ROBO2: variants seen among roughly 807,000 people sequenced by gnomAD.
The protein encoded by ROBO2 is roundabout homolog 2.
A neutral mutation model predicts 160.8 loss-of-function variants in ROBO2; 53 were observed. The observed-to-expected ratio is 0.33, with a 90% CI of 0.26 to 0.41. The LOEUF (loss-of-function observed/expected upper bound fraction) is 0.41. Among genes scored for constraint, ROBO2 ranks in the 10% least tolerant of loss-of-function variants. The pLI is 1.00. For missense variants in ROBO2, 1,577 were observed against 1,722.4 expected, an observed-to-expected ratio of 0.92 and a Z score of 1.49; for synonymous variants, 664 against 611.7, an observed-to-expected ratio of 1.09 and a Z score of -1.26.
intron 2 of ROBO2, among the ~76,000 whole-genome samples, chr3:76,455,751 G>C (rs1181407710): frequency 2.0e-5 from 3 of 152,132 alleles, no homozygotes; most frequent in African/African-American, 7.2e-5. Flanking sequence ...AAAACACATA[G>C]CAAGCATATA....
chr3:77,211,692 GT>G (rs1036208927), intron 2 of ROBO2, among the ~76,000 whole-genome samples: 165 of 152,238 alleles, frequency 1.1e-3, no homozygotes, highest in African/African-American at 3.5e-3. Flanking sequence ...TTCTTCTAGG[GT>G]TTTTATGGTT....
intron 2 of ROBO2, among the ~76,000 whole-genome samples, chr3:76,222,869 C>G (rs930481058): frequency 6.6e-6 from 1 of 151,964 alleles, no homozygotes; most frequent in Admixed American, 6.6e-5. Flanking sequence ...ATTCTCCTGT[C>G]TCAGCCTTCC....
intron 2 of ROBO2, among the ~76,000 whole-genome samples, chr3:76,932,011 AT>A (rs1385463146): frequency 2.6e-5 from 4 of 152,190 alleles, no homozygotes; most frequent in African/African-American, 4.8e-5. Context: ...ATGTGCCCAA[AT>A]CACCATGGAG....
intron 2 of ROBO2, among the ~76,000 whole-genome samples, chr3:75,988,452 GA>G (rs1375885402): frequency 1.3e-5 from 2 of 151,814 alleles, no homozygotes; most frequent in Non-Finnish European, 2.9e-5. Context: ...TTTTCACATT[GA>G]TTTTTTTTGA....
intron 2 of ROBO2, among the ~76,000 whole-genome samples, chr3:77,290,730 G>A (rs1195288664): frequency 3.7e-5 from 3 of 80,796 alleles, no homozygotes; most frequent in South Asian, 6.0e-4. Context: ...ATGGTTAAAC[G>A]GGAAGTTGAG....
At chr3:76,970,320 C>T (rs1177947386) in intron 2 of ROBO2, among the ~76,000 whole-genome samples, 1 of 152,062 alleles carries the variant, frequency 6.6e-6, no homozygotes, top group Non-Finnish European at 1.5e-5. Flanking sequence ...ATGACCACAG[C>T]TTATTCTTCA....
intron 19 of ROBO2, among the ~76,000 whole-genome samples, chr3:77,600,146 C>A (rs895385060): frequency 2.6e-5 from 4 of 152,132 alleles, no homozygotes; most frequent in East Asian, 1.9e-4. Context: ...GGAAAAAAGA[C>A]CTGCTAAATA....
intron 2 of ROBO2, among the ~76,000 whole-genome samples, chr3:76,856,648 C>T (rs2070116105): frequency 6.6e-6 from 1 of 152,176 alleles, no homozygotes; most frequent in Non-Finnish European, 1.5e-5. Context: ...ATTCCATGTA[C>T]CTGGGTTGGG....
intron 2 of ROBO2, among the ~76,000 whole-genome samples, chr3:76,518,299 T>A (rs964477816): frequency 6.6e-6 from 1 of 152,136 alleles, no homozygotes; most frequent in African/African-American, 2.4e-5. Flanking sequence ...TTTTAGAATT[T>A]TTTTTCTTAA....
At chr3:77,378,992 G>C (rs1228034317) in intron 2 of ROBO2, among the ~76,000 whole-genome samples, 1 of 151,312 alleles carries the variant, frequency 6.6e-6, no homozygotes, top group Non-Finnish European at 1.5e-5. Context: ...TTGTTGCCCA[G>C]GCTGGAGTGC....
chr3:77,317,103 G>A (rs1237399589), intron 2 of ROBO2: 5 of 1,319,386 alleles, frequency 3.8e-6, no homozygotes, highest in Non-Finnish European at 5.5e-6. Context: ...CTGCAAAGTT[G>A]CTCTGGGTCA....
At chr3:77,638,818 CTTTTTTT>C (rs34034420) in intron 24 of ROBO2, among the ~76,000 whole-genome samples, 6 of 51,270 alleles carry the variant, frequency 1.2e-4, no homozygotes, top group East Asian at 6.4e-4. Flanking sequence ...TTTCACCTAG[CTTTTTTT>C]TTTTTTTTTT....
At position 76,308,452 on chromosome 3, in the gene ROBO2, A is replaced by G. The variant is rs570103802; in HGVS notation, c.109+370850A>G. 7.8e-4 allele frequency among the ~76,000 whole-genome samples: 118 copies of G among 152,058 alleles called. 1 individual carries two copies. The South Asian group carries it at 0.02, about 25-fold the overall frequency. On this transcript the variant is annotated intron_variant, in intron 2 of 26. Coordinates refer to the ROBO2 transcript ENST00000487694. ...TATTCCTACTTCATTGTGTTTTAGT[A>G]AGGATTAAATGAGTTGATGAATGCA...
At chr3:76,125,559 T>G (rs1016101812) in intron 2 of ROBO2, among the ~76,000 whole-genome samples, 1 of 152,148 alleles carries the variant, frequency 6.6e-6, no homozygotes, top group African/African-American at 2.4e-5. Context: ...TGCGGTGTTA[T>G]CTCATTGTGG....
At chr3:75,940,890 A>G (rs200318377) in intron 2 of ROBO2, among the ~76,000 whole-genome samples, 1 of 152,206 alleles carries the variant, frequency 6.6e-6, no homozygotes, top group East Asian at 1.9e-4. Flanking sequence ...CAACTCATTT[A>G]CAGGATTCTG....
At chr3:76,962,541 G>A (rs2079745448) in intron 2 of ROBO2, among the ~76,000 whole-genome samples, 1 of 151,428 alleles carries the variant, frequency 6.6e-6, no homozygotes, top group African/African-American at 2.4e-5. Flanking sequence ...GAGAGGCTGA[G>A]GCAGGAGAAT....
intron 2 of ROBO2, among the ~76,000 whole-genome samples, chr3:75,986,496 G>T (rs1404417121): frequency 6.6e-6 from 1 of 150,630 alleles, no homozygotes; most frequent in Non-Finnish European, 1.5e-5. Context: ...TCTCTGGGTT[G>T]CCGTTTTATT....
At chr3:77,337,694 A>G (rs1004079932) in intron 2 of ROBO2, among the ~76,000 whole-genome samples, 33 of 152,298 alleles carry the variant, frequency 2.2e-4, no homozygotes, top group African/African-American at 7.9e-4. Flanking sequence ...TTAAATGAGA[A>G]CACGACAAAA....
intron 6 of ROBO2, among the ~76,000 whole-genome samples, chr3:77,538,121 A>AAAC (rs949431080): frequency 3.0e-4 from 46 of 151,494 alleles, no homozygotes; most frequent in African/African-American, 1.1e-3. Context: ...TAAAAAACAA[A>AAAC]AAAAATAGTT....
Sources: gnomAD v4.1 joint callset for allele counts (sites outside exome capture counted in the v4.1 genomes callset) on GRCh38, gnomAD v4.1.1 for gene constraint, MANE v1.5 for transcripts, NCBI Gene and HGNC (gene_info 2026-07-23, HGNC 2026-07-21) for gene names.